Variants in CDH4 observed in about 807,000 individuals in gnomAD.
CDH4 encodes cadherin-4.
Under a neutral mutation model 86.0 loss-of-function variants are expected in CDH4, and 33 were observed. The ratio of observed to expected loss-of-function variants is 0.38; its 90% confidence interval spans 0.29 to 0.51. CDH4 has a LOEUF of 0.51. CDH4 is among the 20% of genes least tolerant of loss of function. The probability of loss-of-function intolerance (pLI) is 0.86; values close to 1 mark genes in which losing one functional copy is unlikely to be tolerated. For missense variants in CDH4, 1,114 were observed against 1,307.4 expected (o/e 0.85, Z 2.28); for synonymous variants, 555 against 549.4 (o/e 1.01, Z -0.14).
chr20:61,461,882 G>T (rs1335530492), intron 2 of CDH4, among the ~76,000 whole-genome samples: 2 of 152,184 alleles, frequency 1.3e-5, no homozygotes, highest in African/African-American at 4.8e-5. Context: ...GGAGTGCCGT[G>T]TGCATTCCCA....
chr20:61,432,833 A>ATTTTTTT (rs36067606), intron 2 of CDH4, among the ~76,000 whole-genome samples: 15 of 101,708 alleles, frequency 1.5e-4, no homozygotes, highest in South Asian at 3.5e-4. Flanking sequence ...TAAATCCATG[A>ATTTTTTT]TTTTTTTTTT....
chr20:61,901,791 A>G (rs908488966), intron 8 of CDH4, among the ~76,000 whole-genome samples: 1 of 152,248 alleles, frequency 6.6e-6, no homozygotes, highest in African/African-American at 2.4e-5. Context: ...TGGGGTGACA[A>G]GGGCAGCAGC....
At chr20:61,312,886 C>G (rs1294643681) in intron 2 of CDH4, among the ~76,000 whole-genome samples, 1 of 152,196 alleles carries the variant, frequency 6.6e-6, no homozygotes, top group East Asian at 1.9e-4. Context: ...CTTGCCTGCC[C>G]AGTGCAGAGA....
chr20:61,383,075 TAATATATATATG>T lies in CDH4; in HGVS notation c.169+128158_169+128169del, dbSNP rs1416469318. On this transcript the variant is annotated intron_variant, in intron 2 of 15. Transcript: ENST00000614565. ...GGAATATATATAATTCATATATATA[TAATATATATATG>T]AATATATATATGAATATATTATATA... Among the ~76,000 whole-genome samples the T allele has an allele frequency of 2.3e-4, 28 of 122,532 alleles. 5 individuals carry two copies. The highest frequency in any genetic ancestry group is 4.5e-4 in the South Asian group (2 of 4,472). The allele number at this position is 122,532 out of a possible 152,430, so 80.4% of individuals were successfully genotyped here.
intron 2 of CDH4, among the ~76,000 whole-genome samples, chr20:61,528,888 C>T (rs1284553473): frequency 1.3e-5 from 2 of 150,442 alleles, no homozygotes; most frequent in African/African-American, 2.4e-5. Context: ...CCGCCCTTGT[C>T]CCTTATTATT....
At chr20:61,304,083 C>T (rs192688611) in intron 2 of CDH4, among the ~76,000 whole-genome samples, 4 of 152,240 alleles carry the variant, frequency 2.6e-5, no homozygotes, top group East Asian at 3.9e-4. Flanking sequence ...TCAAGGAACC[C>T]GTGTCCTGGG....
intron 2 of CDH4, among the ~76,000 whole-genome samples, chr20:61,504,563 G>C (rs368741044): frequency 6.6e-6 from 1 of 152,168 alleles, no homozygotes; most frequent in Non-Finnish European, 1.5e-5. Context: ...CAATGGATCC[G>C]TTTCATCCTG....
In CDH4 at chr20:61,852,545, G is replaced by A. The variant is rs145575419; in HGVS notation, c.733-209G>A. Among the ~76,000 whole-genome samples, 298 of 152,242 alleles carry A rather than the reference G, an allele frequency of 2.0e-3. 2 individuals carry two copies. The highest frequency in any genetic ancestry group is 6.9e-3 in the African/African-American group (286 of 41,546). On this transcript the variant is annotated intron_variant, in intron 5 of 15. Transcript: ENST00000614565. ...ATGCTGGCTTCCAGCTCTGTGCGTCGCCCCACTCTGCACTCTCCTGACCCC... is the reference window on the plus strand; with the variant it reads ...ATGCTGGCTTCCAGCTCTGTGCGTCACCCCACTCTGCACTCTCCTGACCCC...
intron 3 of CDH4, among the ~76,000 whole-genome samples, chr20:61,770,893 A>T (rs917854553): frequency 2.6e-5 from 4 of 151,982 alleles, no homozygotes; most frequent in African/African-American, 9.7e-5. Context: ...AAAAAAAAAA[A>T]AAACACAGAA....
intron 2 of CDH4, among the ~76,000 whole-genome samples, chr20:61,416,710 T>C (rs1347635347): frequency 6.6e-6 from 1 of 152,146 alleles, no homozygotes; most frequent in Non-Finnish European, 1.5e-5. Flanking sequence ...CCAGACCCAT[T>C]GAAGGCACTT....
In CDH4 at chr20:61,565,315, G is replaced by C. The variant is rs113824894; in HGVS notation, c.170-178248G>C. On this transcript the variant is annotated intron_variant, in intron 2 of 15. Transcript: ENST00000614565. ...TGGTGGTGGCGGTGCTCTTGGTGGT[G>C]GCGGTGCTCTTGGTGATGGTGGTAG... Among the ~76,000 whole-genome samples the C allele has an allele frequency of 2.3e-5, 2 of 88,336 alleles. 1 individual carries two copies. The highest frequency in any genetic ancestry group is 5.0e-5 in the Non-Finnish European group (2 of 39,774). 58.0% of individuals were successfully genotyped at this position (88,336 alleles called of 152,430 possible).
intron 2 of CDH4, among the ~76,000 whole-genome samples, chr20:61,334,304 C>T (rs531707856): frequency 3.9e-5 from 6 of 152,200 alleles, no homozygotes; most frequent in Non-Finnish European, 8.8e-5. Flanking sequence ...GTAAGTCTCA[C>T]AGACCTGTGA....
chr20:61,930,294 C>T (rs1427779515), intron 13 of CDH4, among the ~76,000 whole-genome samples: 1 of 152,250 alleles, frequency 6.6e-6, no homozygotes, highest in African/African-American at 2.4e-5. Context: ...ACCAGCCAAG[C>T]AATGGAGTGT....
chr20:61,894,848 G>T, intron 7 of CDH4, 62 bp from the exon 8 acceptor site: 4 of 1,540,812 alleles, frequency 2.6e-6, no homozygotes, highest in Non-Finnish European at 3.5e-6. Flanking sequence ...TTTGATAAGT[G>T]CCCTGTCAAT....
intron 2 of CDH4, among the ~76,000 whole-genome samples, chr20:61,467,367 T>C (rs951540479): frequency 6.6e-6 from 1 of 152,262 alleles, no homozygotes; most frequent in South Asian, 2.1e-4. Context: ...TGAAATGTTC[T>C]GTAGAAGCAT....
At chr20:61,476,239 C>A (rs974683300) in intron 2 of CDH4, among the ~76,000 whole-genome samples, 1 of 152,136 alleles carries the variant, frequency 6.6e-6, no homozygotes, top group Non-Finnish European at 1.5e-5. Context: ...AATTTCAGTC[C>A]TGCGTTAAGC....
At chr20:61,348,217 G>A (rs1685541624) in intron 2 of CDH4, among the ~76,000 whole-genome samples, 1 of 151,792 alleles carries the variant, frequency 6.6e-6, no homozygotes, top group African/African-American at 2.4e-5. Flanking sequence ...CATTCATGGT[G>A]GAAGGCAAAG....
At chr20:61,304,982 G>T (rs911453173) in intron 2 of CDH4, among the ~76,000 whole-genome samples, 6 of 151,596 alleles carry the variant, frequency 4.0e-5, no homozygotes, top group Admixed American at 4.0e-4. Flanking sequence ...CTGTGCGTGG[G>T]TGTGTGTACA....
intron 4 of CDH4, among the ~76,000 whole-genome samples, chr20:61,841,321 T>C (rs1407505924): frequency 6.6e-6 from 1 of 152,236 alleles, no homozygotes; most frequent in Non-Finnish European, 1.5e-5. Context: ...CCTGCTCTCC[T>C]GCGAATGTGA....
Sources: gnomAD v4.1 joint callset for allele counts (sites outside exome capture counted in the v4.1 genomes callset) on GRCh38, gnomAD v4.1.1 for gene constraint, MANE v1.5 for transcripts, NCBI Gene and HGNC (gene_info 2026-07-23, HGNC 2026-07-21) for gene names.